SERINC2: variants seen among roughly 807,000 people sequenced by gnomAD.
SERINC2 encodes the protein serine incorporator 2, also known as tumor differentially expressed protein 2.
A neutral mutation model predicts 54.2 loss-of-function variants in SERINC2; 56 were observed. That is an observed-to-expected ratio of 1.03 (90% CI 0.83 to 1.29). SERINC2 has a LOEUF of 1.29. SERINC2 is among the 50% of genes most tolerant of loss of function. The pLI is 0.00. For synonymous variants in SERINC2, 272 were observed against 253.1 expected, an observed-to-expected ratio of 1.07 and a Z score of -0.71; for missense variants, 614 against 607.4, an observed-to-expected ratio of 1.01 and a Z score of -0.12.
At position 31,425,348 on chromosome 1, in the gene SERINC2, C is replaced by G; in HGVS notation, c.411C>G (p.Phe137Leu). Reference sequence around the variant, plus strand: ...TCTGTAGGTTTTGGTTCTTTAAGTTCCTGATCCTGGTGGGCCTCACCGTGG... The same window carrying G: ...TCTGTAGGTTTTGGTTCTTTAAGTTGCTGATCCTGGTGGGCCTCACCGTGG... ...AIQNGFWFFK[F>L]LILVGLTVGA... is the part of the protein sequence containing the mutation. The change falls in exon 4 of 10, where the codon TTC becomes TTG. Residue 137 changes from phenylalanine to leucine, a missense_variant. Coordinates refer to ENST00000373709, the MANE Select transcript of SERINC2 (RefSeq NM_178865.5). 6.2e-7 allele frequency: 1 copy of G among 1,612,898 alleles called. No individual in the cohort carries two copies. The highest frequency in any genetic ancestry group is 8.5e-7 in the Non-Finnish European group (1 of 1,178,814).
In SERINC2 at chr1:31,425,813, C is replaced by T; in HGVS notation, c.510C>T (p.Phe170=). The T allele has an allele frequency of 6.2e-7, 1 of 1,613,658 alleles. No homozygotes were observed. The highest frequency in any genetic ancestry group is 1.3e-5 in the African/African-American group (1 of 75,056). ...TCGGCGTCGTGGGCTCCTTCCTCTT[C>T]ATCCTCATCCAGCTGGTGCTGCTCA... is the stretch of plus-strand genomic sequence containing the variant. ...FYFGVVGSFL[F]ILIQLVLLID... is the part of the protein sequence containing the mutation. Residue 170 remains phenylalanine (F), a synonymous_variant, in exon 5 of 10, where the codon TTC becomes TTT. Transcript: ENST00000373709.
intron 6 of SERINC2, 141 bp downstream of exon 6, chr1:31,426,964 G>C (rs1482493095): frequency 1.4e-6 from 1 of 731,826 alleles, no homozygotes; most frequent in Non-Finnish European, 2.2e-6. Context: ...AGCCTCCCCA[G>C]GTTATAGTCA....
At chr1:31,431,429 A>G (rs1570063194) in intron 8 of SERINC2, among the ~76,000 whole-genome samples, 1 of 151,390 alleles carries the variant, frequency 6.6e-6, no homozygotes, top group East Asian at 2.0e-4. Flanking sequence ...TGGCCTGATT[A>G]CCTTCATTTT....
At chr1:31,420,044 C>G (rs1472083423) in intron 1 of SERINC2, among the ~76,000 whole-genome samples, 1 of 152,146 alleles carries the variant, frequency 6.6e-6, no homozygotes, top group Non-Finnish European at 1.5e-5. Flanking sequence ...CTATTATGAT[C>G]AGTGCCACAA....
Position 31,431,805 on chromosome 1 carries a change from C to CAGGGTGGATAGGGTGGAT in SERINC2, c.1014-1154_1014-1153insTAGGGTGGATAGGGTGGA, listed in dbSNP as rs1641224644. 1.1e-3 allele frequency among the ~76,000 whole-genome samples: 46 copies of CAGGGTGGATAGGGTGGAT among 40,650 alleles called. 6 individuals are homozygous for CAGGGTGGATAGGGTGGAT. Among genetic ancestry groups the CAGGGTGGATAGGGTGGAT allele is most frequent in the African/African-American group, 2.6e-3 (43 of 16,586 alleles). 26.7% of individuals were successfully genotyped at this position (40,650 alleles called of 152,430 possible). A position where few individuals can be genotyped will look rare whatever the true frequency, so the allele number is the denominator to read the frequency against. ...GGGTGGATAGGGTGGATAGGGTGGA[C>CAGGGTGGATAGGGTGGAT]AGGGTGGACAGGGTGGATAGGGTGG... On this transcript the variant is annotated intron_variant, in intron 8 of 9. Coordinates refer to ENST00000373709, the MANE Select transcript of SERINC2 (RefSeq NM_178865.5).
chr1:31,431,770 A>G (rs1553134498), intron 8 of SERINC2, among the ~76,000 whole-genome samples: 2 of 140,086 alleles, frequency 1.4e-5, no homozygotes, highest in African/African-American at 5.5e-5. Flanking sequence ...GAGGGTGGAG[A>G]GGGTGAATAG....
Position 31,432,074 on chromosome 1 carries a change from ACAGGG to A in SERINC2, c.1014-892_1014-888del, listed in dbSNP as rs1557500980. 2.0e-4 allele frequency among the ~76,000 whole-genome samples: 24 copies of A among 121,728 alleles called. 1 individual carries two copies. Among genetic ancestry groups the A allele is most frequent in the East Asian group, 2.8e-4 (1 of 3,634 alleles). 79.9% of individuals were successfully genotyped at this position (121,728 alleles called of 152,430 possible). ...AGGGTGGACAGGGTGGACAGGGTGG[ACAGGG>A]TGGTTAGGGTGGACAGGGTGGACAG... is the stretch of plus-strand genomic sequence containing the variant. On this transcript the variant is annotated intron_variant, in intron 8 of 9. Transcript: ENST00000373709.
At chr1:31,432,331 G>C (rs1641324338) in intron 8 of SERINC2, among the ~76,000 whole-genome samples, 1 of 151,880 alleles carries the variant, frequency 6.6e-6, no homozygotes, top group African/African-American at 2.4e-5. Context: ...ACGTGAGTTG[G>C]TTTTTCAAAA....
intron 1 of SERINC2, chr1:31,414,669 C>G: frequency 3.0e-6 from 3 of 985,432 alleles, no homozygotes; most frequent in Non-Finnish European, 3.6e-6. Context: ...AAATCCCTCC[C>G]AGCCCAAAGA....
At chr1:31,420,464 A>C (rs1281090664) in intron 1 of SERINC2, among the ~76,000 whole-genome samples, 1 of 152,232 alleles carries the variant, frequency 6.6e-6, no homozygotes, top group African/African-American at 2.4e-5. Context: ...CTGACAGGGC[A>C]CCTGGGCACC....
intron 8 of SERINC2, among the ~76,000 whole-genome samples, chr1:31,430,936 A>G (rs1641178681): frequency 1.3e-5 from 2 of 152,204 alleles, no homozygotes. Flanking sequence ...CCCCTGGGCT[A>G]GAACATTTTA....
At chr1:31,427,914 C>T (rs1436428174) in intron 6 of SERINC2, among the ~76,000 whole-genome samples, 1 of 150,774 alleles carries the variant, frequency 6.6e-6, no homozygotes, top group African/African-American at 2.4e-5. Flanking sequence ...CTGCAAGCTC[C>T]GCCTCCCAGG....
At position 31,434,491 on chromosome 1, in the gene SERINC2, T is replaced by TC; in HGVS notation, c.*292_*293insC. 1 of 427,910 alleles carries TC rather than the reference T, an allele frequency of 2.3e-6. No individual in the cohort carries two copies. Among genetic ancestry groups the TC allele is most frequent in the Non-Finnish European group, 4.2e-6 (1 of 236,978 alleles). The allele number at this position is 427,910 out of a possible 1,614,324, so 26.5% of individuals were successfully genotyped here. A position where few individuals can be genotyped will look rare whatever the true frequency, so the allele number is the denominator to read the frequency against. ...CAGCATCTCGGATGAAAGGGCTCCC[T>TC]TGTCCTCAGGCTCCACGGGAGCGGG... On this transcript the variant is annotated 3_prime_UTR_variant, in exon 10 of 10. Transcript: ENST00000373709.
intron 9 of SERINC2, 148 bp from the exon 10 acceptor site, chr1:31,433,916 G>A (rs1641393450): frequency 1.3e-5 from 10 of 773,324 alleles, no homozygotes; most frequent in African/African-American, 1.7e-5. Context: ...TCACAAGGCC[G>A]GGTGTTAAAA....
intron 3 of SERINC2, 39 bp downstream of exon 3, chr1:31,424,912 C>T (rs1553133328): frequency 1.3e-6 from 2 of 1,551,644 alleles, no homozygotes; most frequent in Non-Finnish European, 8.8e-7. Flanking sequence ...GGGACCTTCC[C>T]CCAGTGCCTT....
At position 31,426,990 on chromosome 1, in the gene SERINC2, A is replaced by G. The variant is rs372926498; in HGVS notation, c.780+167A>G. 9.2e-5 allele frequency among the ~76,000 whole-genome samples: 14 copies of G among 152,234 alleles called. No homozygotes were observed. The East Asian group carries it at 1.5e-3, about 17-fold the overall frequency. ...GTTATAGTCAGGCTCTCACGGCTTC[A>G]TGCTGGGTGTCTTTAGGAGGTGCCC... is the stretch of plus-strand genomic sequence containing the variant. On this transcript the variant is annotated intron_variant, in intron 6 of 9. Transcript: ENST00000373709.
At chr1:31,424,523 G>A (rs1157773236) in intron 2 of SERINC2, among the ~76,000 whole-genome samples, 160 bp from the exon 3 acceptor site, 1 of 152,088 alleles carries the variant, frequency 6.6e-6, no homozygotes, top group Non-Finnish European at 1.5e-5. Flanking sequence ...GGAGGCAGTG[G>A]AGATAGAGGT....
intron 1 of SERINC2, among the ~76,000 whole-genome samples, chr1:31,416,991 A>T (rs1640795936): frequency 6.6e-6 from 1 of 152,218 alleles, no homozygotes; most frequent in South Asian, 2.1e-4. Context: ...AAGTGCTGGG[A>T]TTACAGGCAT....
Position 31,431,622 on chromosome 1 carries a change from A to G in SERINC2, c.1014-1345A>G, listed in dbSNP as rs567877088. Among the ~76,000 whole-genome samples the G allele has an allele frequency of 6.0e-4, 91 of 152,346 alleles. 3 individuals are homozygous for G. In the South Asian group the frequency reaches 0.017, roughly 29 times the overall value. ...CTGGCACATGCACTGCTGAGAGCCC[A>G]GGGGCACAGGTCTGTTCTTAGCATG... is the stretch of plus-strand genomic sequence containing the variant. On this transcript the variant is annotated intron_variant, in intron 8 of 9. Transcript: ENST00000373709.
Sources: allele counts gnomAD v4.1 joint callset (sites outside exome capture counted in the v4.1 genomes callset), GRCh38; gene constraint gnomAD v4.1.1; transcripts MANE v1.5; gene names NCBI Gene and HGNC (gene_info 2026-07-23, HGNC 2026-07-21).